USP32: variants seen among roughly 807,000 people sequenced by gnomAD.
USP32 encodes ubiquitin carboxyl-terminal hydrolase 32.
Under a neutral mutation model 204.8 loss-of-function variants are expected in USP32, and 59 were observed. That is an observed-to-expected ratio of 0.29 (90% confidence interval 0.23 to 0.36). The LOEUF (loss-of-function observed/expected upper bound fraction) is 0.36, where lower values mean the gene tolerates loss of function less well. Ranked by LOEUF, USP32 falls within the 10% of genes least tolerant of loss-of-function variation. USP32 has a pLI of 1.00. For synonymous variants in USP32, 517 were observed against 678.4 expected (o/e 0.76, Z 3.70); for missense variants, 1,160 against 1,946.4 (o/e 0.60, Z 7.60).
intron 1 of USP32, among the ~76,000 whole-genome samples, chr17:60,375,491 A>C (rs1418808100): frequency 6.6e-6 from 1 of 152,228 alleles, no homozygotes; most frequent in Non-Finnish European, 1.5e-5. Flanking sequence ...AGAATGTTAG[A>C]ATTTTCACTA....
At chr17:60,306,314 T>C (rs2087721176) in intron 2 of USP32, among the ~76,000 whole-genome samples, 1 of 152,208 alleles carries the variant, frequency 6.6e-6, no homozygotes, top group African/African-American at 2.4e-5. Context: ...TTATATAATT[T>C]GTTGCAAGAC....
chr17:60,367,935 C>A (rs574201504), intron 1 of USP32, among the ~76,000 whole-genome samples: 1 of 151,884 alleles, frequency 6.6e-6, no homozygotes, highest in Non-Finnish European at 1.5e-5. Context: ...GCCATTTACA[C>A]GGCACTTACA....
At position 60,263,069 on chromosome 17, in the gene USP32, C is replaced by T. The variant is rs1308045918; in HGVS notation, c.990+2343G>A. Among the ~76,000 whole-genome samples the T allele has an allele frequency of 2.6e-5, 4 of 152,126 alleles. No homozygotes were observed. In the East Asian group the frequency reaches 7.7e-4, roughly 29 times the overall value. ...GCTCAAATGATCCTCTCGCCTCAGCCTCCCTTGTAGCTGGAACTATAGACA... is the reference window on the plus strand; with the variant it reads ...GCTCAAATGATCCTCTCGCCTCAGCTTCCCTTGTAGCTGGAACTATAGACA... On this transcript the variant is annotated intron_variant, in intron 9 of 33. Transcript: ENST00000300896.
At chr17:60,297,447 CTT>C (rs76483542) in intron 3 of USP32, among the ~76,000 whole-genome samples, 11 of 144,198 alleles carry the variant, frequency 7.6e-5, no homozygotes, top group South Asian at 2.2e-4. Flanking sequence ...TTTTCCTTTT[CTT>C]TTTTTTTTTT....
chr17:60,358,343 G>A (rs1263855739), intron 1 of USP32, among the ~76,000 whole-genome samples: 2 of 152,086 alleles, frequency 1.3e-5, no homozygotes, highest in African/African-American at 4.8e-5. Context: ...GGGAGGCTGA[G>A]GCAGGTGGAT....
chr17:60,209,642 T>C (rs1443100630), intron 21 of USP32, 99 bp from the exon 22 acceptor site: 12 of 767,778 alleles, frequency 1.6e-5, no homozygotes, highest in Admixed American at 1.3e-4. Context: ...AGAAAATAAA[T>C]AGTATAGTAC....
In USP32 at chr17:60,271,472, G is replaced by T; in HGVS notation, c.581C>A (p.Ser194Ter). ...GCGTTTCTCAAGATCAATGATGTCT[G>T]ATTCCTCCACTAAGGGTCAAATCAA... Reference protein sequence around the residue: ...TLAGVTHLEESDIIDLEKRYW... With the variant: ...TLAGVTHLEE Residue 194 changes from serine (S) to a stop codon, truncating the protein, a stop_gained, in exon 6 of 34, where the codon TCA becomes TAA. Coordinates refer to ENST00000300896, the MANE Select transcript of USP32 (RefSeq NM_032582.4). LOFTEE classifies it high-confidence loss of function. The T allele has an allele frequency of 6.2e-7, 1 of 1,613,804 alleles. No homozygotes were observed.
intron 27 of USP32, 117 bp downstream of exon 27, chr17:60,198,143 T>G: frequency 7.4e-7 from 1 of 1,344,570 alleles, no homozygotes; most frequent in Non-Finnish European, 1.0e-6. Flanking sequence ...GTCTGAGTGG[T>G]TCTTCCAAGA....
intron 1 of USP32, among the ~76,000 whole-genome samples, chr17:60,350,236 AACT>A (rs1215222621): frequency 6.6e-6 from 1 of 152,030 alleles, no homozygotes; most frequent in Non-Finnish European, 1.5e-5. Context: ...ACTGGTCTCA[AACT>A]CCTGAGCTCA....
At chr17:60,361,488 T>A (rs1331715520) in intron 1 of USP32, among the ~76,000 whole-genome samples, 2 of 152,198 alleles carry the variant, frequency 1.3e-5, no homozygotes, top group Non-Finnish European at 2.9e-5. Context: ...AAAAACCATA[T>A]ACATGCCTCC....
chr17:60,347,319 G>GGAATACA (rs1269503322), intron 1 of USP32, among the ~76,000 whole-genome samples: 5 of 151,188 alleles, frequency 3.3e-5, no homozygotes, highest in Admixed American at 3.3e-4. Context: ...CAAGTACCTG[G>GGAATACA]GAATACAGGT....
chr17:60,303,393 A>G (rs922944926), intron 2 of USP32, among the ~76,000 whole-genome samples: 1 of 152,160 alleles, frequency 6.6e-6, no homozygotes, highest in Admixed American at 6.5e-5. Flanking sequence ...ATCCAGGGAC[A>G]CAGCACCTGC....
chr17:60,395,662 G>C (rs1010397811), upstream of USP32, among the ~76,000 whole-genome samples: 3 of 152,178 alleles, frequency 2.0e-5, no homozygotes, highest in East Asian at 3.8e-4. Flanking sequence ...CTTTTAAGTA[G>C]TCAGTTGTAC....
chr17:60,222,517 T>C lies in USP32; in HGVS notation c.1641A>G (p.Leu547=), dbSNP rs2085278259. ...ATSLTLEGGR[L]KRTPQLIHGR... ...CATGAATCAGCTGTGGAGTTCGTTT[T>C]AATCGTCCTCCTTCTAGTGTTAATG... is the stretch of plus-strand genomic sequence containing the variant. The change falls in exon 15 of 34, where the codon TTA becomes TTG. Residue 547 remains leucine (L), a synonymous_variant. Coordinates refer to ENST00000300896, the MANE Select transcript of USP32 (RefSeq NM_032582.4). 1 of 1,613,996 alleles carries C rather than the reference T, an allele frequency of 6.2e-7. No homozygotes were observed. The highest frequency in any genetic ancestry group is 1.1e-5 in the South Asian group (1 of 91,084).
At position 60,211,244 on chromosome 17, in the gene USP32, G is replaced by A. The variant is rs562910847; in HGVS notation, c.2319-126C>T. 5 of 1,500,188 alleles carry A rather than the reference G, an allele frequency of 3.3e-6. No homozygotes were observed. The African/African-American group carries it at 4.2e-5, about 13-fold the overall frequency. 92.9% of individuals were successfully genotyped at this position (1,500,188 alleles called of 1,614,324 possible). On this transcript the variant is annotated intron_variant, in intron 20 of 33. Coordinates refer to ENST00000300896, the MANE Select transcript of USP32 (RefSeq NM_032582.4). ...TTTGAAACAAGAGATGTATTCCTTG[G>A]CCTATTTCATATTAAATAGGGCAAA...
chr17:60,207,808 C>T, intron 24 of USP32: 1 of 402,000 alleles, frequency 2.5e-6, no homozygotes, highest in Non-Finnish European at 4.3e-6. Flanking sequence ...ACAGCTAGAA[C>T]ACTCCATATA....
At chr17:60,368,403 T>C (rs2089360642) in intron 1 of USP32, among the ~76,000 whole-genome samples, 1 of 152,196 alleles carries the variant, frequency 6.6e-6, no homozygotes, top group Middle Eastern at 3.2e-3. Context: ...TCTATTGTTA[T>C]AGTTAGTAAG....
chr17:60,187,674 A>G (rs551177387), intron 29 of USP32, among the ~76,000 whole-genome samples: 2 of 152,386 alleles, frequency 1.3e-5, no homozygotes, highest in South Asian at 4.1e-4. Flanking sequence ...CTACAGTGCT[A>G]GATGAAGACA....
At chr17:60,279,095 C>T (rs1004313488) in intron 5 of USP32, among the ~76,000 whole-genome samples, 18 of 152,154 alleles carry the variant, frequency 1.2e-4, no homozygotes, top group Admixed American at 3.9e-4. Context: ...TTTATGCTCC[C>T]TATACAAGCT....
Sources: gnomAD v4.1 joint callset for allele counts (sites outside exome capture counted in the v4.1 genomes callset) on GRCh38, gnomAD v4.1.1 for gene constraint, MANE v1.5 for transcripts, NCBI Gene and HGNC (gene_info 2026-07-23, HGNC 2026-07-21) for gene names.